Variants in VRK2 observed in about 807,000 individuals in gnomAD.
VRK2 encodes the protein serine/threonine-protein kinase VRK2.
VRK2 carries 60 observed loss-of-function variants against 57.6 expected under a neutral mutation model. That is an observed-to-expected ratio of 1.04 (90% CI 0.85 to 1.29). The LOEUF is 1.29. Ranked by LOEUF, VRK2 falls within the 50% of genes most tolerant of loss-of-function variation. VRK2 has a pLI of 0.00. For synonymous variants in VRK2, 231 were observed against 199.2 expected (o/e 1.16, Z -1.35); for missense variants, 705 against 588.1 (o/e 1.20, Z -2.06).
rs1012650579 is a variant in VRK2 at position 58,091,270 on chromosome 2, T to C, written c.543+1547T>C. Among the ~76,000 whole-genome samples, 6 of 152,130 alleles carry C rather than the reference T, an allele frequency of 3.9e-5. 1 individual carries two copies. The highest frequency in any genetic ancestry group is 1.4e-4 in the African/African-American group (6 of 41,430). On this transcript the variant is annotated intron_variant, in intron 7 of 12. Transcript: ENST00000340157. The stretch of plus-strand genomic sequence containing the variant: ...CACTATAAAAAATGTGCTACTCTAG[T>C]GAGGGATGTTGATAGCGGAGAGACT...
At chr2:58,028,361 T>C (rs1558548113) in intron 2 of VRK2, 2 of 152,184 alleles carry the variant, frequency 1.3e-5, no homozygotes, top group South Asian at 2.1e-4. Flanking sequence ...CAGTCTATCA[T>C]TGTTGGACAT....
chr2:57,970,215 T>C (rs1672053442), intron 1 of VRK2, among the ~76,000 whole-genome samples: 2 of 149,210 alleles, frequency 1.3e-5, no homozygotes, highest in African/African-American at 4.9e-5. Context: ...TATTTACATA[T>C]ATATACACAT....
chr2:57,972,621 T>A (rs925336890), intron 1 of VRK2, among the ~76,000 whole-genome samples: 4 of 151,928 alleles, frequency 2.6e-5, no homozygotes, highest in South Asian at 4.1e-4. Context: ...TCATTTTAAT[T>A]TTGTTTTTAA....
intron 7 of VRK2, among the ~76,000 whole-genome samples, chr2:58,096,835 T>G (rs1209843250): frequency 2.0e-5 from 3 of 151,918 alleles, no homozygotes; most frequent in Non-Finnish European, 4.4e-5. Context: ...TTTTCCTCCC[T>G]TATTGTTTTA....
intron 12 of VRK2, among the ~76,000 whole-genome samples, chr2:58,156,883 C>A (rs1252062022): frequency 6.6e-6 from 1 of 152,126 alleles, no homozygotes; most frequent in South Asian, 2.1e-4. Flanking sequence ...GGTCACATTT[C>A]CTGCATCTCA....
Position 57,915,383 on chromosome 2 carries a change from T to C in VRK2, c.-439+7544T>C, listed in dbSNP as rs555616808. On this transcript the variant is annotated intron_variant, in intron 1 of 15. Transcript: ENST00000417641. ...TTTGAAGATCAGGCCCAGAATTATA[T>C]AATGAGATTTGACTTCAAAGTGGCA... 9.8e-5 allele frequency among the ~76,000 whole-genome samples: 15 copies of C among 152,288 alleles called. No homozygotes were observed. The East Asian group carries it at 2.3e-3, about 23-fold the overall frequency.
chr2:58,159,219 T>C, intron 12 of VRK2, 130 bp from the exon 13 acceptor site: 1 of 662,522 alleles, frequency 1.5e-6, no homozygotes. Context: ...AAATTACTTC[T>C]CAGGAAAAAT....
chr2:57,999,586 A>C (rs898402929), intron 1 of VRK2, among the ~76,000 whole-genome samples: 1 of 152,170 alleles, frequency 6.6e-6, no homozygotes, highest in East Asian at 1.9e-4. Flanking sequence ...AAATTTACAT[A>C]AATATAAAAA....
intron 1 of VRK2, among the ~76,000 whole-genome samples, chr2:57,965,114 T>C (rs1422781737): frequency 6.6e-6 from 1 of 152,186 alleles, no homozygotes; most frequent in African/African-American, 2.4e-5. Context: ...CACTCAATAA[T>C]AGGTATATAC....
chr2:57,921,514 A>G (rs1670348832), intron 1 of VRK2, among the ~76,000 whole-genome samples: 1 of 152,012 alleles, frequency 6.6e-6, no homozygotes, highest in Non-Finnish European at 1.5e-5. Flanking sequence ...ATTGTTCTGA[A>G]TTTTCCCAGC....
chr2:58,099,615 G>A (rs1020420758), intron 7 of VRK2, among the ~76,000 whole-genome samples: 3 of 151,984 alleles, frequency 2.0e-5, no homozygotes, highest in African/African-American at 7.2e-5. Flanking sequence ...ATGTGTTTCT[G>A]TTCTCAAGCT....
At chr2:58,032,468 T>C (rs1360240221) in intron 2 of VRK2, among the ~76,000 whole-genome samples, 2 of 152,046 alleles carry the variant, frequency 1.3e-5, no homozygotes, top group Non-Finnish European at 2.9e-5. Context: ...TTCCCTTTTG[T>C]AGGGGCACTA....
intron 5 of VRK2, among the ~76,000 whole-genome samples, 188 bp from the exon 6 acceptor site, chr2:58,088,152 CA>C (rs1671894980): frequency 6.6e-6 from 1 of 152,160 alleles, no homozygotes; most frequent in African/African-American, 2.4e-5. Flanking sequence ...AAATCAGCTG[CA>C]AAGTAAATAT....
intron 10 of VRK2, among the ~76,000 whole-genome samples, chr2:58,137,514 A>G (rs1401696040): frequency 6.6e-6 from 1 of 151,978 alleles, no homozygotes; most frequent in African/African-American, 2.4e-5. Context: ...TATAAAATGC[A>G]GATTTCTGTT....
At chr2:58,111,136 A>G (rs1471284853) in intron 7 of VRK2, among the ~76,000 whole-genome samples, 1 of 152,220 alleles carries the variant, frequency 6.6e-6, no homozygotes, top group Non-Finnish European at 1.5e-5. Context: ...TGTTTATTGG[A>G]GGAGTCGAGA....
At chr2:58,022,668 G>C (rs1240906689) in intron 1 of VRK2, among the ~76,000 whole-genome samples, 2 of 152,204 alleles carry the variant, frequency 1.3e-5, no homozygotes, top group African/African-American at 4.8e-5. Flanking sequence ...TTGAGCAGAG[G>C]AGTTTGAGAC....
intron 12 of VRK2, among the ~76,000 whole-genome samples, chr2:58,155,983 CAGGCTGGGG>C (rs1683771927): frequency 6.6e-6 from 1 of 151,480 alleles, no homozygotes; most frequent in Non-Finnish European, 1.5e-5. Context: ...TTTTATGGCC[CAGGCTGGGG>C]TAATAGGAGG....
At chr2:58,014,171 C>A (rs569407891) in intron 1 of VRK2, among the ~76,000 whole-genome samples, 4 of 151,890 alleles carry the variant, frequency 2.6e-5, no homozygotes, top group Non-Finnish European at 5.9e-5. Context: ...ATTGGTGCAC[C>A]AACTCGGGAA....
In VRK2 at chr2:58,128,144, T is replaced by A. The variant is rs116277988; in HGVS notation, c.677-3664T>A. The stretch of plus-strand genomic sequence containing the variant: ...ATGAAAGGATAGTAACATGAAAAAT[T>A]TGGTCAGTGCTGCAGCTTAGATATC... On this transcript the variant is annotated intron_variant, in intron 8 of 12. Transcript: ENST00000340157. Among the ~76,000 whole-genome samples the A allele has an allele frequency of 4.5e-4, 68 of 152,218 alleles. 2 individuals are homozygous for A. The South Asian group carries it at 0.014, about 30-fold the overall frequency.
Sources: allele counts gnomAD v4.1 joint callset (sites outside exome capture counted in the v4.1 genomes callset), GRCh38; gene constraint gnomAD v4.1.1; transcripts MANE v1.5; gene names NCBI Gene and HGNC (gene_info 2026-07-23, HGNC 2026-07-21).